Variants in OSBPL10 observed in about 807,000 individuals in gnomAD.
OSBPL10 encodes oxysterol binding protein like 10, also known as oxysterol-binding protein-related protein 10.
A neutral mutation model predicts 81.7 loss-of-function variants in OSBPL10; 49 were observed. The observed-to-expected ratio is 0.60, with a 90% CI of 0.48 to 0.76. OSBPL10 has a LOEUF of 0.76. Ranked by LOEUF, OSBPL10 falls within the 30% of genes least tolerant of loss-of-function variation. OSBPL10 has a pLI of 0.00. For synonymous variants in OSBPL10, 419 were observed against 383.6 expected, an observed-to-expected ratio of 1.09 and a Z score of -1.08; for missense variants, 923 against 987.8, an observed-to-expected ratio of 0.93 and a Z score of 0.88.
intron 2 of OSBPL10, among the ~76,000 whole-genome samples, chr3:32,018,373 T>G (rs1428815500): frequency 2.0e-5 from 3 of 152,168 alleles, no homozygotes; most frequent in Non-Finnish European, 1.5e-5. Flanking sequence ...TGTTTATTCT[T>G]CCTCTGATTT....
At chr3:31,729,222 G>A (rs561282845) in intron 6 of OSBPL10, among the ~76,000 whole-genome samples, 2 of 152,248 alleles carry the variant, frequency 1.3e-5, no homozygotes, top group Admixed American at 1.3e-4. Context: ...GGTCACGTGT[G>A]AGCTCTGTCA....
chr3:31,809,558 G>A (rs111372660), intron 4 of OSBPL10, among the ~76,000 whole-genome samples: 4,170 of 152,246 alleles, frequency 0.027, 174 homozygotes, highest in African/African-American at 0.094. Flanking sequence ...TGGACACGGA[G>A]GTTTTAAAAG....
chr3:31,898,201 GATCT>G (rs1696122662), intron 1 of OSBPL10, among the ~76,000 whole-genome samples: 1 of 151,898 alleles, frequency 6.6e-6, no homozygotes, highest in African/African-American at 2.4e-5. Flanking sequence ...AAGTTTTTGA[GATCT>G]ATCGCATAGC....
chr3:32,046,564 T>A (rs1699623997), exon 2 of OSBPL10: 1 of 152,228 alleles, frequency 6.6e-6, no homozygotes, highest in South Asian at 2.1e-4. Flanking sequence ...ATGTTTCTGC[T>A]GCAGCAGCCA....
intron 1 of OSBPL10, among the ~76,000 whole-genome samples, chr3:31,936,868 A>C (rs1352315380): frequency 6.6e-6 from 1 of 152,232 alleles, no homozygotes; most frequent in Non-Finnish European, 1.5e-5. Flanking sequence ...CACACCGTGT[A>C]ACCAAGGCAC....
intron 3 of OSBPL10, among the ~76,000 whole-genome samples, chr3:31,842,974 C>T (rs909947074): frequency 1.3e-5 from 2 of 152,112 alleles, no homozygotes; most frequent in African/African-American, 2.4e-5. Context: ...CTATAAGCAG[C>T]GACAAACAGA....
In OSBPL10 at chr3:31,973,262, G is replaced by A. The variant is rs144996549; in HGVS notation, c.281+7637C>T. ...GCACACCAAACGCAGACAGCCACTGGGCAAATCAAATGGCTTAAGTCAACT... is the reference window on the plus strand; with the variant it reads ...GCACACCAAACGCAGACAGCCACTGAGCAAATCAAATGGCTTAAGTCAACT... On this transcript the variant is annotated intron_variant, in intron 1 of 11. Coordinates refer to ENST00000396556, the MANE Select transcript of OSBPL10 (RefSeq NM_017784.5). Among the ~76,000 whole-genome samples the A allele has an allele frequency of 2.5e-3, 376 of 152,230 alleles. 1 individual carries two copies. Among genetic ancestry groups the A allele is most frequent in the Middle Eastern group, 0.017 (5 of 294 alleles).
intron 9 of OSBPL10, among the ~76,000 whole-genome samples, chr3:31,669,247 T>C (rs1478645668): frequency 6.6e-6 from 1 of 152,014 alleles, no homozygotes; most frequent in Non-Finnish European, 1.5e-5. Flanking sequence ...AACTTACTCA[T>C]GTAAGCAAAT....
rs1207610104 is a variant in OSBPL10, at chr3:31,664,087, T to TA, written c.2241dup (p.Ile748TyrfsTer38). 1 of 1,613,966 alleles carries TA rather than the reference T, an allele frequency of 6.2e-7. No individual in the cohort carries two copies. The highest frequency in any genetic ancestry group is 2.2e-5 in the East Asian group (1 of 44,882). On this transcript the variant is annotated frameshift_variant, in exon 11 of 12. Transcript: ENST00000396556. LOFTEE classifies it high-confidence loss of function. ...ACAGGCGGCAGAGTTACCTCCTGGA[T>TA]AAAATATTTGGGCTTCCATGGTGTG...
At chr3:31,714,239 G>A (rs1334254728) in intron 6 of OSBPL10, among the ~76,000 whole-genome samples, 1 of 152,196 alleles carries the variant, frequency 6.6e-6, no homozygotes, top group African/African-American at 2.4e-5. Flanking sequence ...TACACGTAAG[G>A]CTCTGTGTTA....
chr3:31,855,270 C>A (rs749051237), intron 3 of OSBPL10, among the ~76,000 whole-genome samples: 11 of 152,166 alleles, frequency 7.2e-5, no homozygotes, highest in Non-Finnish European at 1.2e-4. Flanking sequence ...AATTCATACA[C>A]CAGGTCTCCC....
At chr3:31,991,083 C>G (rs1233587029) in intron 2 of OSBPL10, 2 of 1,106,988 alleles carry the variant, frequency 1.8e-6, no homozygotes, top group African/African-American at 3.2e-5. Context: ...AGAGTCAATT[C>G]AGCATTGACT....
chr3:31,747,962 T>TAAC lies in OSBPL10; in HGVS notation c.885_887dup (p.Leu296dup), dbSNP rs1697580741. On this transcript the variant is annotated inframe_insertion, in exon 5 of 12. Transcript: ENST00000396556. Reference sequence around the variant, plus strand: ...GGCCCGCCTGGTGCACACTCTGCTGTAACAAGTTGAGGCACTCCCCAAGGC... The same window carrying TAAC: ...GGCCCGCCTGGTGCACACTCTGCTGTAACAACAAGTTGAGGCACTCCCCAAGGC... 1.9e-6 allele frequency: 3 copies of TAAC among 1,614,140 alleles called. No individual in the cohort carries two copies. Among genetic ancestry groups the TAAC allele is most frequent in the Non-Finnish European group, 2.5e-6 (3 of 1,180,032 alleles).
At position 31,663,083 on chromosome 3, in the gene OSBPL10, T is replaced by TA. The variant is rs1350456141; in HGVS notation, c.2251-968dup. The TA allele has an allele frequency of 1.8e-5, 18 of 985,470 alleles. No individual in the cohort carries two copies. In the South Asian group the frequency reaches 7.5e-4, roughly 41 times the overall value. The allele number at this position is 985,470 out of a possible 1,614,324, so 61.0% of individuals were successfully genotyped here. A position where few individuals can be genotyped will look rare whatever the true frequency, so the allele number is the denominator to read the frequency against. ...TAACCATGAATCCACCCCAGTTACC[T>TA]ACTATGTTGCCCTAACTCACTTCTC... On this transcript the variant is annotated intron_variant, in intron 11 of 11. Coordinates refer to ENST00000396556, the MANE Select transcript of OSBPL10 (RefSeq NM_017784.5).
chr3:31,767,099 T>A (rs933580854), intron 4 of OSBPL10, among the ~76,000 whole-genome samples: 3 of 152,216 alleles, frequency 2.0e-5, no homozygotes, highest in African/African-American at 7.2e-5. Flanking sequence ...CTTTTTCATA[T>A]CAGGTCTGGA....
chr3:31,891,749 T>G (rs1246330488), intron 1 of OSBPL10, among the ~76,000 whole-genome samples: 2 of 152,198 alleles, frequency 1.3e-5, no homozygotes, highest in Non-Finnish European at 2.9e-5. Flanking sequence ...TGTGGTCAAC[T>G]GTACATAGGT....
chr3:32,055,165 C>G (rs1313144758), intron 1 of OSBPL10, among the ~76,000 whole-genome samples: 2 of 141,382 alleles, frequency 1.4e-5, no homozygotes, highest in Non-Finnish European at 3.1e-5. Context: ...TTTTCAGAAC[C>G]AAGAAAACTT....
At chr3:31,852,982 C>T (rs1341115524) in intron 3 of OSBPL10, among the ~76,000 whole-genome samples, 1 of 152,112 alleles carries the variant, frequency 6.6e-6, no homozygotes, top group Non-Finnish European at 1.5e-5. Flanking sequence ...GGGCAATGTG[C>T]CCCACATAGT....
At chr3:31,846,551 G>C (rs917117209) in intron 3 of OSBPL10, among the ~76,000 whole-genome samples, 1 of 152,062 alleles carries the variant, frequency 6.6e-6, no homozygotes, top group Non-Finnish European at 1.5e-5. Context: ...GGAATCGCTT[G>C]AACCTGGGAG....
Sources: gnomAD v4.1 joint callset for allele counts (sites outside exome capture counted in the v4.1 genomes callset) on GRCh38, gnomAD v4.1.1 for gene constraint, MANE v1.5 for transcripts, NCBI Gene and HGNC (gene_info 2026-07-23, HGNC 2026-07-21) for gene names.